RNF128: variants seen among roughly 807,000 people sequenced by gnomAD.
RNF128 encodes the protein ring finger protein 128, also known as E3 ubiquitin-protein ligase RNF128.
A neutral mutation model predicts 26.2 loss-of-function variants in RNF128; 13 were observed. The ratio of observed to expected loss-of-function variants is 0.50; its 90% CI spans 0.32 to 0.79. RNF128 has a LOEUF of 0.79. Ranked by LOEUF, RNF128 falls within the 30% of genes least tolerant of loss-of-function variation. The pLI is 0.03. For synonymous variants in RNF128, 149 were observed against 142.5 expected (o/e 1.05, Z -0.32); for missense variants, 315 against 349.7 (o/e 0.90, Z 0.79).
Position 106,772,918 on chromosome X carries a change from G to C in RNF128, c.490G>C (p.Val164Leu). Residue 164 changes from valine (V) to leucine (L), a missense_variant, in exon 2 of 7, where the codon GTA (valine) becomes CTA (leucine). Coordinates refer to ENST00000255499, the MANE Select transcript of RNF128 (RefSeq NM_194463.2). ...GAATTTGTTTTATTTTACAGGTGCAGTAGACATTGTTGCAATCATGATCGG... is the reference window on the plus strand; with the variant it reads ...GAATTTGTTTTATTTTACAGGTGCACTAGACATTGTTGCAATCATGATCGG... Reference protein sequence around the residue: ...EVIPMSHPGAVDIVAIMIGNL... With the variant: ...EVIPMSHPGALDIVAIMIGNL... 2 of 1,208,811 alleles carry C rather than the reference G, an allele frequency of 1.7e-6. No homozygotes were observed. The highest frequency in any genetic ancestry group is 2.2e-6 in the Non-Finnish European group (2 of 893,946).
chrX:106,721,488 G>A (rs1368624680), intron 1 of RNF128, among the ~76,000 whole-genome samples: 1 of 112,194 alleles, frequency 8.9e-6, no homozygotes, highest in East Asian at 2.8e-4. Flanking sequence ...ATGCTGCTCT[G>A]TTTATCAGTT....
upstream of RNF128, among the ~76,000 whole-genome samples, chrX:106,721,707 A>G (rs1273284623): frequency 8.9e-5 from 10 of 112,134 alleles, no homozygotes; most frequent in African/African-American, 3.2e-4. Context: ...TCTTTTTGGT[A>G]TAAAGCAACA....
At position 106,756,060 on chromosome X, in the gene RNF128, C is replaced by T. The variant is rs1930003477; in HGVS notation, c.485-16853C>T. 3.6e-5 allele frequency among the ~76,000 whole-genome samples: 4 copies of T among 110,246 alleles called. No homozygotes were observed. In the Admixed American group the frequency reaches 3.9e-4, roughly 11 times the overall value. ...TGAAGGACCTCTTCAAGGAGAACTA[C>T]AAACCACTGCTCAAAGAAATAAAAG... On this transcript the variant is annotated intron_variant, in intron 1 of 6. Transcript: ENST00000255499.
At chrX:106,716,451 A>G (rs748268094) in intron 1 of RNF128, among the ~76,000 whole-genome samples, 24 of 112,211 alleles carry the variant, frequency 2.1e-4, no homozygotes, top group African/African-American at 7.8e-4. Flanking sequence ...GGTTTTGACT[A>G]TAAAGGCATA....
intron 1 of RNF128, among the ~76,000 whole-genome samples, chrX:106,715,996 C>T (rs1929210177): frequency 8.9e-6 from 1 of 111,868 alleles, no homozygotes; most frequent in Non-Finnish European, 1.9e-5. Context: ...TGCCCAATCT[C>T]CCACTACTCC....
chrX:106,747,171 A>G (rs1234585697), intron 1 of RNF128, among the ~76,000 whole-genome samples: 1 of 111,993 alleles, frequency 8.9e-6, no homozygotes, highest in Non-Finnish European at 1.9e-5. Flanking sequence ...ATAGGCATTT[A>G]ACAAATAAAT....
At chrX:106,758,994 GA>G (rs1159615314) in intron 1 of RNF128, among the ~76,000 whole-genome samples, 3 of 111,716 alleles carry the variant, frequency 2.7e-5, no homozygotes, top group African/African-American at 9.8e-5. Flanking sequence ...AAGTAGAAGA[GA>G]CTACCCATAG....
chrX:106,750,631 G>A (rs1929867589), intron 1 of RNF128, among the ~76,000 whole-genome samples: 1 of 111,323 alleles, frequency 9.0e-6, no homozygotes, highest in Non-Finnish European at 1.9e-5. Context: ...GAGGGTACTT[G>A]CCCTGAAGCC....
intron 1 of RNF128, among the ~76,000 whole-genome samples, chrX:106,708,731 A>C (rs1035425616): frequency 2.7e-5 from 3 of 112,123 alleles, no homozygotes; most frequent in African/African-American, 9.7e-5. Context: ...ATATTACTTG[A>C]AAATAATAGG....
At chrX:106,743,874 C>A (rs982947474) in intron 1 of RNF128, among the ~76,000 whole-genome samples, 32 of 111,645 alleles carry the variant, frequency 2.9e-4, no homozygotes, top group African/African-American at 1.0e-3. Flanking sequence ...CAATGATAGA[C>A]TGGATTAAGA....
chrX:106,730,963 A>G (rs1929492494), intron 1 of RNF128, among the ~76,000 whole-genome samples: 1 of 111,649 alleles, frequency 9.0e-6, no homozygotes, highest in Non-Finnish European at 1.9e-5. Flanking sequence ...GCCAATTAGT[A>G]TTTTTTAAAT....
At chrX:106,785,211 C>T (rs745378500) in intron 3 of RNF128, 75 bp downstream of exon 3, 3 of 777,007 alleles carry the variant, frequency 3.9e-6, no homozygotes, top group Admixed American at 3.5e-5. Context: ...AAATGTTCTT[C>T]CTAAGTATGC....
chrX:106,750,167 A>G (rs1046998925), intron 1 of RNF128, among the ~76,000 whole-genome samples: 3 of 111,904 alleles, frequency 2.7e-5, no homozygotes, highest in African/African-American at 9.7e-5. Context: ...TTCCACATTC[A>G]CGTGGCTATG....
chrX:106,739,290 G>A (rs1039812209), intron 1 of RNF128, among the ~76,000 whole-genome samples: 2 of 110,625 alleles, frequency 1.8e-5, no homozygotes, highest in Non-Finnish European at 3.8e-5. Flanking sequence ...CTCCTGAGTA[G>A]CTGGGATTAT....
chrX:106,694,500 G>A (rs1012264253), intron 1 of RNF128: 1 of 640,292 alleles, frequency 1.6e-6, no homozygotes, highest in South Asian at 7.3e-5. Flanking sequence ...TGGCAACAAG[G>A]TTGTAAAATA....
intron 1 of RNF128, among the ~76,000 whole-genome samples, chrX:106,714,717 C>A (rs1739421747): frequency 8.9e-6 from 1 of 111,868 alleles, no homozygotes; most frequent in Admixed American, 9.5e-5. Context: ...GCCCCGTAAC[C>A]CCTTATTAAC....
chrX:106,760,903 A>G (rs908936170), intron 1 of RNF128, among the ~76,000 whole-genome samples: 1 of 112,254 alleles, frequency 8.9e-6, no homozygotes, highest in Non-Finnish European at 1.9e-5. Context: ...GCAAAAACAA[A>G]AACAAAAGTT....
chrX:106,762,905 T>C (rs190622613), intron 1 of RNF128, among the ~76,000 whole-genome samples: 2 of 109,382 alleles, frequency 1.8e-5, no homozygotes, highest in African/African-American at 6.6e-5. Flanking sequence ...GAATACCTAT[T>C]GGGCACTATG....
At chrX:106,773,304 G>A (rs1003442734) in intron 2 of RNF128, 144 bp downstream of exon 2, 1 of 576,913 alleles carries the variant, frequency 1.7e-6, no homozygotes, top group Non-Finnish European at 2.6e-6. Flanking sequence ...TTAAAAGTAT[G>A]TCAGCTCTTC....
Sources: gnomAD v4.1 joint callset for allele counts (sites outside exome capture counted in the v4.1 genomes callset) on GRCh38, gnomAD v4.1.1 for gene constraint, MANE v1.5 for transcripts, NCBI Gene and HGNC (gene_info 2026-07-23, HGNC 2026-07-21) for gene names.